CNTN5: variants seen among roughly 807,000 people sequenced by gnomAD.
CNTN5 encodes contactin-5.
CNTN5 carries 77 observed loss-of-function variants against 129.1 expected under a neutral mutation model. The observed-to-expected ratio is 0.60, with a 90% CI of 0.50 to 0.72. CNTN5 has a LOEUF of 0.72. CNTN5 is among the 30% of genes least tolerant of loss of function. The pLI is 0.00. For missense variants in CNTN5, 1,478 were observed against 1,328.8 expected, an observed-to-expected ratio of 1.11 and a Z score of -1.75; for synonymous variants, 509 against 465.6, an observed-to-expected ratio of 1.09 and a Z score of -1.20.
chr11:100,080,728 A>C (rs1944330438), intron 13 of CNTN5, among the ~76,000 whole-genome samples: 1 of 152,130 alleles, frequency 6.6e-6, no homozygotes, highest in South Asian at 2.1e-4. Context: ...CATATTAAGA[A>C]CGTAAAACAA....
intron 3 of CNTN5, among the ~76,000 whole-genome samples, chr11:99,599,181 G>A (rs1950237807): frequency 6.8e-6 from 1 of 147,464 alleles, no homozygotes; most frequent in South Asian, 2.1e-4. Context: ...ACTTGGAGGT[G>A]TTTTTTTTTT....
chr11:100,096,434 T>C (rs1170186977), intron 13 of CNTN5, among the ~76,000 whole-genome samples: 3 of 152,084 alleles, frequency 2.0e-5, no homozygotes, highest in Non-Finnish European at 4.4e-5. Context: ...ATAGTCCGTC[T>C]ACTCGCACCT....
At chr11:99,079,754 A>G (rs770398764) in intron 1 of CNTN5, among the ~76,000 whole-genome samples, 1 of 152,126 alleles carries the variant, frequency 6.6e-6, no homozygotes, top group Admixed American at 6.5e-5. Flanking sequence ...TGTACATCCT[A>G]TCCTTTCTGA....
chr11:99,719,260 C>T (rs1943087344), intron 3 of CNTN5, among the ~76,000 whole-genome samples: 2 of 151,830 alleles, frequency 1.3e-5, no homozygotes, highest in South Asian at 2.1e-4. Context: ...TAAAAGGTTG[C>T]AGTGAGCTGA....
chr11:99,030,850 G>A (rs377417766), intron 1 of CNTN5, among the ~76,000 whole-genome samples: 1 of 146,548 alleles, frequency 6.8e-6, no homozygotes, highest in Non-Finnish European at 1.5e-5. Context: ...GCGCGATCTC[G>A]GTTCACTGCA....
chr11:99,898,160 A>G (rs1442021254), intron 6 of CNTN5, among the ~76,000 whole-genome samples: 1 of 151,998 alleles, frequency 6.6e-6, no homozygotes, highest in East Asian at 1.9e-4. Flanking sequence ...TGCATCTCAA[A>G]GAATAAGAAA....
At chr11:99,409,720 G>A (rs1159107526) in intron 2 of CNTN5, among the ~76,000 whole-genome samples, 5 of 152,172 alleles carry the variant, frequency 3.3e-5, no homozygotes, top group African/African-American at 4.8e-5. Flanking sequence ...GAGTGAACTC[G>A]TTGAATTGCT....
chr11:99,530,855 C>A (rs1266888200), intron 2 of CNTN5, among the ~76,000 whole-genome samples: 2 of 152,216 alleles, frequency 1.3e-5, no homozygotes, highest in African/African-American at 4.8e-5. Flanking sequence ...TCTTCCTCAG[C>A]CATGTGGAAC....
chr11:99,508,071 C>T (rs1156952767), intron 2 of CNTN5, among the ~76,000 whole-genome samples: 1 of 152,094 alleles, frequency 6.6e-6, no homozygotes, highest in Admixed American at 6.6e-5. Context: ...ATACTCTTGT[C>T]CAAAACATGT....
intron 6 of CNTN5, among the ~76,000 whole-genome samples, chr11:99,863,161 G>C (rs1441777292): frequency 6.6e-6 from 1 of 152,068 alleles, no homozygotes; most frequent in East Asian, 1.9e-4. Flanking sequence ...TCCTAGTGAA[G>C]AGTAAAATAG....
intron 16 of CNTN5, 57 bp downstream of exon 16, chr11:100,224,869 G>A (rs1949339679): frequency 1.3e-6 from 2 of 1,572,470 alleles, no homozygotes; most frequent in East Asian, 2.2e-5. Flanking sequence ...ATCATACAAA[G>A]GAATTTAAAT....
intron 15 of CNTN5, among the ~76,000 whole-genome samples, chr11:100,212,162 T>A (rs1949046537): frequency 6.6e-6 from 1 of 152,198 alleles, no homozygotes; most frequent in African/African-American, 2.4e-5. Flanking sequence ...AATTAAATCA[T>A]ATTTTACATT....
intron 6 of CNTN5, among the ~76,000 whole-genome samples, chr11:99,876,849 C>T (rs1417435120): frequency 6.6e-6 from 1 of 152,144 alleles, no homozygotes; most frequent in South Asian, 2.1e-4. Context: ...TGAACTCCAT[C>T]ACCTTATTGC....
intron 2 of CNTN5, among the ~76,000 whole-genome samples, chr11:99,534,110 T>G (rs572753474): frequency 1.7e-4 from 26 of 152,354 alleles, no homozygotes; most frequent in South Asian, 2.1e-4. Flanking sequence ...GCCACACGGC[T>G]CTACTTCACA....
chr11:99,622,714 G>A (rs1479153949), intron 3 of CNTN5, among the ~76,000 whole-genome samples: 1 of 151,960 alleles, frequency 6.6e-6, no homozygotes, highest in Non-Finnish European at 1.5e-5. Flanking sequence ...GGGAACAGGT[G>A]TTATAGCATT....
rs1952395274 is a variant in CNTN5, at chr11:100,350,849, A to AT, written c.3180dup (p.Arg1061Ter). Reference sequence around the variant, plus strand: ...AGGAGATGGAACAGCTAGTTCTCAAATTAGGGTACCATCATATTCAGGTAA... The same window carrying AT: ...AGGAGATGGAACAGCTAGTTCTCAAATTTAGGGTACCATCATATTCAGGTAA... On this transcript the variant is annotated frameshift_variant, in exon 24 of 25. Transcript: ENST00000524871. LOFTEE classifies it high-confidence loss of function. 1 of 1,590,864 alleles carries AT rather than the reference A, an allele frequency of 6.3e-7. No individual in the cohort carries two copies.
chr11:99,932,552 T>G (rs1950216928), intron 7 of CNTN5, among the ~76,000 whole-genome samples: 1 of 152,164 alleles, frequency 6.6e-6, no homozygotes, highest in African/African-American at 2.4e-5. Context: ...GTATACATAT[T>G]TCTTGGGCTC....
intron 1 of CNTN5, among the ~76,000 whole-genome samples, chr11:99,311,363 C>T (rs1865108723): frequency 6.6e-6 from 1 of 152,052 alleles, no homozygotes; most frequent in Non-Finnish European, 1.5e-5. Flanking sequence ...GGTTATTGTT[C>T]TACAATTTGC....
At chr11:99,342,620 G>A (rs1347641932) in intron 2 of CNTN5, among the ~76,000 whole-genome samples, 1 of 141,772 alleles carries the variant, frequency 7.1e-6, no homozygotes, top group Non-Finnish European at 1.5e-5. Context: ...GTGGTGACAC[G>A]TGCCTGTGAT....
Sources: gnomAD v4.1 joint callset for allele counts (sites outside exome capture counted in the v4.1 genomes callset) on GRCh38, gnomAD v4.1.1 for gene constraint, MANE v1.5 for transcripts, NCBI Gene and HGNC (gene_info 2026-07-23, HGNC 2026-07-21) for gene names.